ALPK1: variants seen among roughly 807,000 people sequenced by gnomAD.
ALPK1 encodes alpha kinase 1.
A neutral mutation model predicts 120.6 loss-of-function variants in ALPK1; 110 were observed. The ratio of observed to expected loss-of-function variants is 0.91; its 90% confidence interval spans 0.78 to 1.07. The LOEUF (loss-of-function observed/expected upper bound fraction) is 1.07, where lower values mean the gene tolerates loss of function less well. Ranked by LOEUF, ALPK1 falls within the 50% of genes least tolerant of loss-of-function variation. ALPK1 has a pLI of 0.00. For synonymous variants in ALPK1, 582 were observed against 560.3 expected (o/e 1.04, Z -0.55); for missense variants, 1,498 against 1,483.9 (o/e 1.01, Z -0.16).
rs1000684823 is a variant in ALPK1, at chr4:112,364,409, G to C, written c.-100-13269G>C. On this transcript the variant is annotated intron_variant, in intron 2 of 15. Transcript: ENST00000650871. ...CAACTGATACCACAGAAATACAAAA[G>C]ATCATTCAAGGCTACTATGAATACC... Among the ~76,000 whole-genome samples, 4 of 151,966 alleles carry C rather than the reference G, an allele frequency of 2.6e-5. No homozygotes were observed. The East Asian group carries it at 7.7e-4, about 29-fold the overall frequency.
At chr4:112,350,174 A>T (rs17589875) in intron 2 of ALPK1, among the ~76,000 whole-genome samples, 1,646 of 152,240 alleles carry the variant, frequency 0.011, 35 homozygotes, top group East Asian at 0.084. Context: ...ACATCCCATT[A>T]CTCCAAGACA....
At chr4:112,388,625 A>C (rs1578525713) in intron 4 of ALPK1, among the ~76,000 whole-genome samples, 1 of 58,124 alleles carries the variant, frequency 1.7e-5, no homozygotes, top group African/African-American at 6.7e-5. Context: ...TCAAGTTGCA[A>C]AAAAAAAAAA....
At chr4:112,345,922 G>C (rs1730080794) in intron 2 of ALPK1, among the ~76,000 whole-genome samples, 1 of 152,184 alleles carries the variant, frequency 6.6e-6, no homozygotes, top group South Asian at 2.1e-4. Flanking sequence ...GGAGTGCAAT[G>C]GTGCAATCTC....
At chr4:112,344,638 G>A (rs974580257) in intron 2 of ALPK1, among the ~76,000 whole-genome samples, 2 of 152,154 alleles carry the variant, frequency 1.3e-5, no homozygotes, top group Non-Finnish European at 2.9e-5. Context: ...GAAGGCAAAT[G>A]GTTTTAAAAG....
At chr4:112,392,471 A>G (rs1000437666) in intron 4 of ALPK1, among the ~76,000 whole-genome samples, 1 of 152,158 alleles carries the variant, frequency 6.6e-6, no homozygotes, top group African/African-American at 2.4e-5. Context: ...CATTCTTAGA[A>G]TATTATTATT....
At position 112,314,273 on chromosome 4, in the gene ALPK1, G is replaced by A. The variant is rs1728539690; in HGVS notation, c.-152-1528G>A. Among the ~76,000 whole-genome samples the A allele has an allele frequency of 1.3e-5, 2 of 152,214 alleles. 1 individual carries two copies. Among genetic ancestry groups the A allele is most frequent in the South Asian group, 4.1e-4 (2 of 4,832 alleles). On this transcript the variant is annotated intron_variant, in intron 1 of 15. Transcript: ENST00000650871. ...GAGGAAGAAGAGACAGCGTGAAATA[G>A]TCACCTAAGTGAGCAGAAGGTAAAC...
intron 3 of ALPK1, among the ~76,000 whole-genome samples, chr4:112,381,373 G>T (rs745571018): frequency 6.6e-6 from 1 of 152,186 alleles, no homozygotes; most frequent in Admixed American, 6.5e-5. Flanking sequence ...AAAAAGTGAT[G>T]AGTTCAGTTT....
At chr4:112,321,694 T>A (rs1728873329) in intron 2 of ALPK1, among the ~76,000 whole-genome samples, 1 of 152,202 alleles carries the variant, frequency 6.6e-6, no homozygotes. Flanking sequence ...ATCATAGATT[T>A]TGGGACAGTG....
At chr4:112,318,302 A>G (rs1728723083) in intron 2 of ALPK1, among the ~76,000 whole-genome samples, 1 of 152,228 alleles carries the variant, frequency 6.6e-6, no homozygotes, top group Admixed American at 6.5e-5. Flanking sequence ...TTCATGTGTC[A>G]TGAACCTTTA....
In ALPK1 at chr4:112,439,776, G is replaced by A. The variant is rs756767838; in HGVS notation, c.3442G>A (p.Val1148Met). 1.9e-6 allele frequency: 3 copies of A among 1,613,648 alleles called. No individual in the cohort carries two copies. Among genetic ancestry groups the A allele is most frequent in the Non-Finnish European group, 2.5e-6 (3 of 1,179,850 alleles). The change falls in exon 14 of 16, where the codon GTG becomes ATG. Residue 1148 changes from valine (V) to methionine (M), a missense_variant. Val to Met is a conservative substitution (Grantham distance 21). Coordinates refer to ENST00000650871, the MANE Select transcript of ALPK1 (RefSeq NM_025144.4). The part of the protein sequence containing the change: ...FVKLSNNTKV[V>M]KTEYKATEYG... ...AAAATTGTCAAATAACACGAAAGTG[G>A]TGAAAACAGAATACAAAGCCACAGA...
intron 2 of ALPK1, chr4:112,356,609 C>T: frequency 1.3e-6 from 1 of 778,448 alleles, no homozygotes. Flanking sequence ...ACATGAAGAT[C>T]CACTTGTGCC....
chr4:112,302,997 T>G (rs1727858862), intron 1 of ALPK1, among the ~76,000 whole-genome samples: 1 of 152,210 alleles, frequency 6.6e-6, no homozygotes, highest in Non-Finnish European at 1.5e-5. Flanking sequence ...TTTCTAAAAT[T>G]ATGACACTAT....
At chr4:112,335,545 G>C (rs922750612) in intron 2 of ALPK1, among the ~76,000 whole-genome samples, 15 of 152,186 alleles carry the variant, frequency 9.9e-5, no homozygotes, top group African/African-American at 3.4e-4. Flanking sequence ...TCCTGTTTGA[G>C]GGAATGTGGC....
chr4:112,384,188 T>C (rs902059926), intron 4 of ALPK1: 4 of 152,174 alleles, frequency 2.6e-5, no homozygotes, highest in African/African-American at 9.7e-5. Flanking sequence ...AGTGGTGAAA[T>C]TGTGACTTAC....
At chr4:112,429,954 G>A (rs1267565764) in intron 10 of ALPK1, among the ~76,000 whole-genome samples, 1 of 151,884 alleles carries the variant, frequency 6.6e-6, no homozygotes, top group Non-Finnish European at 1.5e-5. Context: ...AATCTCTGAG[G>A]TTGGTATCCA....
chr4:112,337,359 T>C (rs1283450639), intron 2 of ALPK1, among the ~76,000 whole-genome samples: 1 of 152,138 alleles, frequency 6.6e-6, no homozygotes, highest in Admixed American at 6.6e-5. Context: ...TGGAAATGTA[T>C]TGGAAAATGA....
At chr4:112,361,761 C>T (rs1243203235) in intron 2 of ALPK1, among the ~76,000 whole-genome samples, 3 of 152,242 alleles carry the variant, frequency 2.0e-5, no homozygotes, top group Non-Finnish European at 4.4e-5. Flanking sequence ...AGTGCCACCT[C>T]CTGGCTGGAG....
rs564824893 is a variant in ALPK1, at chr4:112,372,362, G to A, written c.-100-5316G>A. Among the ~76,000 whole-genome samples the A allele has an allele frequency of 1.1e-4, 17 of 151,932 alleles. No individual in the cohort carries two copies. The South Asian group carries it at 2.9e-3, about 26-fold the overall frequency. ...CCAATAGCTGTGACTACAGGCGCCA[G>A]CCACCACACCCGGCTAATTTTTTGT... On this transcript the variant is annotated intron_variant, in intron 2 of 15. Transcript: ENST00000650871.
chr4:112,298,982 A>C (rs558527283), intron 1 of ALPK1, among the ~76,000 whole-genome samples: 5 of 152,276 alleles, frequency 3.3e-5, no homozygotes, highest in African/African-American at 1.2e-4. Flanking sequence ...GTTCATTGTA[A>C]ATGATTTTCT....
Sources: allele counts gnomAD v4.1 joint callset (sites outside exome capture counted in the v4.1 genomes callset), GRCh38; gene constraint gnomAD v4.1.1; transcripts MANE v1.5; gene names NCBI Gene and HGNC (gene_info 2026-07-23, HGNC 2026-07-21).